SLC1A7: variants seen among roughly 807,000 people sequenced by gnomAD.
The protein encoded by SLC1A7 is solute carrier family 1 member 7.
A neutral mutation model predicts 47.7 loss-of-function variants in SLC1A7; 40 were observed. The observed-to-expected ratio is 0.84, with a 90% CI of 0.65 to 1.09. SLC1A7 has a LOEUF of 1.09. Ranked by LOEUF, SLC1A7 falls within the 50% of genes least tolerant of loss-of-function variation. SLC1A7 has a pLI of 0.00. For missense variants in SLC1A7, 746 were observed against 769.5 expected, an observed-to-expected ratio of 0.97 and a Z score of 0.36; for synonymous variants, 323 against 325.6, an observed-to-expected ratio of 0.99 and a Z score of 0.09.
chr1:53,102,839 T>A (rs1232787946), intron 5 of SLC1A7: 2 of 152,334 alleles, frequency 1.3e-5, no homozygotes. Context: ...GAGGACGAGG[T>A]AGAAAGTCAC....
intron 1 of SLC1A7, among the ~76,000 whole-genome samples, chr1:53,141,910 A>G (rs554049488): frequency 6.6e-6 from 1 of 152,272 alleles, no homozygotes; most frequent in East Asian, 1.9e-4. Context: ...TGCACCTGGC[A>G]TCTGCTGTCA....
At chr1:53,089,731 C>T (rs1011492364) in intron 9 of SLC1A7, 69 bp downstream of exon 9, 5 of 1,558,176 alleles carry the variant, frequency 3.2e-6, no homozygotes, top group Admixed American at 1.7e-5. Context: ...CAGCCGCTCA[C>T]CCTGATCCCT....
Position 53,142,375 on chromosome 1 carries a change from C to G in SLC1A7, c.75G>C (p.Leu25=), listed in dbSNP as rs1645066921. The change falls in exon 1 of 11, where the codon CTG becomes CTC. Residue 25 remains leucine (L), a synonymous_variant. Transcript: ENST00000371494. ...RRNGLLILSV[L]SVIVGCLLGF... is the part of the protein sequence containing the mutation. ...CGAGGAGGCAGCCCACGATGACAGA[C>G]AGCACAGACAGGATGAGGAGTCCAT... 6.2e-7 allele frequency: 1 copy of G among 1,601,390 alleles called. No individual in the cohort carries two copies. Among genetic ancestry groups the G allele is most frequent in the Admixed American group, 1.7e-5 (1 of 58,348 alleles).
chr1:53,120,083 C>G (rs186616990), intron 2 of SLC1A7, among the ~76,000 whole-genome samples: 1 of 152,168 alleles, frequency 6.6e-6, no homozygotes, highest in Non-Finnish European at 1.5e-5. Context: ...GAGACATTAA[C>G]CCGCAGAGGC....
At chr1:53,113,781 C>A (rs568156951) in intron 3 of SLC1A7, among the ~76,000 whole-genome samples, 1 of 152,246 alleles carries the variant, frequency 6.6e-6, no homozygotes, top group African/African-American at 2.4e-5. Context: ...ACTTTGAGGC[C>A]GGTCCCCACC....
At chr1:53,124,117 C>T (rs1304023553) in intron 2 of SLC1A7, among the ~76,000 whole-genome samples, 1 of 152,232 alleles carries the variant, frequency 6.6e-6, no homozygotes. Context: ...TGGGAATTTT[C>T]TGCCACACTA....
At chr1:53,093,054 C>T (rs1644443526) in intron 6 of SLC1A7, among the ~76,000 whole-genome samples, 1 of 152,220 alleles carries the variant, frequency 6.6e-6, no homozygotes. Context: ...ACGCCAGAGT[C>T]TACACAGTGC....
chr1:53,124,249 A>AACACACACAC (rs67205575), intron 2 of SLC1A7, among the ~76,000 whole-genome samples: 28 of 6,990 alleles, frequency 4.0e-3, no homozygotes, highest in Admixed American at 7.6e-3. Flanking sequence ...ATACATACAC[A>AACACACACAC]ACACACACAC....
Position 53,115,067 on chromosome 1 carries a change from G to A in SLC1A7, c.216-94C>T, listed in dbSNP as rs1384979467. ...CAGCCCCTCCTGGCCATGTCCAGCT[G>A]CCTCACAGTGCTCCAGGGAACCCCA... On this transcript the variant is annotated intron_variant, in intron 2 of 10. Coordinates refer to ENST00000371494, the MANE Select transcript of SLC1A7 (RefSeq NM_006671.6). The A allele has an allele frequency of 7.9e-6, 7 of 886,246 alleles. No homozygotes were observed. The African/African-American group carries it at 9.9e-5, about 13-fold the overall frequency. The allele number at this position is 886,246 out of a possible 1,614,324, so 54.9% of individuals were successfully genotyped here.
intron 2 of SLC1A7, 199 bp from the exon 3 acceptor site, chr1:53,115,172 C>T (rs1053439847): frequency 1.7e-6 from 1 of 605,246 alleles, no homozygotes; most frequent in Non-Finnish European, 2.9e-6. Context: ...GGGGCGCAGG[C>T]CACACACATC....
At chr1:53,120,146 G>C (rs141049933) in intron 2 of SLC1A7, among the ~76,000 whole-genome samples, 2 of 152,286 alleles carry the variant, frequency 1.3e-5, no homozygotes, top group East Asian at 3.9e-4. Flanking sequence ...TTGCAGGGGT[G>C]GGGGAAGGGA....
At chr1:53,088,443 G>T (rs1329103488) in intron 10 of SLC1A7, among the ~76,000 whole-genome samples, 1 of 152,070 alleles carries the variant, frequency 6.6e-6, no homozygotes, top group Non-Finnish European at 1.5e-5. Flanking sequence ...GTAGAGGAGG[G>T]GACTTAATCC....
In SLC1A7 at chr1:53,137,279, G is replaced by A. The variant is rs543995934; in HGVS notation, c.136-2850C>T. Among the ~76,000 whole-genome samples the A allele has an allele frequency of 1.5e-3, 32 of 21,198 alleles. No individual in the cohort carries two copies. In the Admixed American group the frequency reaches 0.016, roughly 11 times the overall value. The allele number at this position is 21,198 out of a possible 152,430, so 13.9% of individuals were successfully genotyped here. ...TCCAGCCTGGGCAACAGAGGGAGAC[G>A]CTATCTCCAAAAAAAAAAAAGTGCT... On this transcript the variant is annotated intron_variant, in intron 1 of 10. Transcript: ENST00000371494.
At chr1:53,136,611 A>ATATT (rs1644999342) in intron 1 of SLC1A7, among the ~76,000 whole-genome samples, 2 of 48,322 alleles carry the variant, frequency 4.1e-5, no homozygotes, top group African/African-American at 1.9e-4. Context: ...AAACATATAT[A>ATATT]ATATATATAA....
chr1:53,095,203 C>T (rs538441631), intron 5 of SLC1A7, among the ~76,000 whole-genome samples: 69 of 149,440 alleles, frequency 4.6e-4, no homozygotes, highest in Non-Finnish European at 9.0e-4. Flanking sequence ...CACACACAGA[C>T]GCAGGTGCAC....
At chr1:53,090,287 G>C in intron 8 of SLC1A7, 1 of 539,612 alleles carries the variant, frequency 1.9e-6, no homozygotes, top group Non-Finnish European at 3.3e-6. Context: ...CTGGCCTCCA[G>C]GGTCAGACCT....
rs905308327 is a variant in SLC1A7, at chr1:53,105,614, A to C, written c.474+118T>G. 3.6e-6 allele frequency: 3 copies of C among 841,716 alleles called. No individual in the cohort carries two copies. In the African/African-American group the frequency reaches 5.0e-5, roughly 14 times the overall value. 52.1% of individuals were successfully genotyped at this position (841,716 alleles called of 1,614,324 possible). A position where few individuals can be genotyped will look rare whatever the true frequency, so the allele number is the denominator to read the frequency against. On this transcript the variant is annotated intron_variant, in intron 4 of 10. Transcript: ENST00000371494. ...CCCTCCCCTCTAGCATCCCACCTCC[A>C]GCAGACAGCGTGACTGGCCAGCACA...
rs1006011270 is a variant in SLC1A7 at position 53,103,269 on chromosome 1, G to A, written c.697+77C>T. ...CAGCATTCTCCCCAGACCTCAGTAAGAGGTGGAGGAGCAGGCTGCTGGGAG... is the reference window on the plus strand; with the variant it reads ...CAGCATTCTCCCCAGACCTCAGTAAAAGGTGGAGGAGCAGGCTGCTGGGAG... On this transcript the variant is annotated intron_variant, in intron 5 of 10. Coordinates refer to ENST00000371494, the MANE Select transcript of SLC1A7 (RefSeq NM_006671.6). The A allele has an allele frequency of 2.9e-6, 3 of 1,046,572 alleles. No homozygotes were observed. In the African/African-American group the frequency reaches 4.8e-5, roughly 17 times the overall value. 64.8% of individuals were successfully genotyped at this position (1,046,572 alleles called of 1,614,324 possible).
At chr1:53,093,736 C>T (rs1487535285) in intron 5 of SLC1A7, among the ~76,000 whole-genome samples, 176 bp from the exon 6 acceptor site, 2 of 46,610 alleles carry the variant, frequency 4.3e-5, no homozygotes, top group African/African-American at 6.1e-5. Context: ...AGTGCTCTCA[C>T]GTCCTCCTCT....
Sources: gnomAD v4.1 joint callset for allele counts (sites outside exome capture counted in the v4.1 genomes callset) on GRCh38, gnomAD v4.1.1 for gene constraint, MANE v1.5 for transcripts, NCBI Gene and HGNC (gene_info 2026-07-23, HGNC 2026-07-21) for gene names.